RBM26: variants seen among roughly 807,000 people sequenced by gnomAD.
RBM26 encodes the protein RNA-binding protein 26.
Under a neutral mutation model 123.6 loss-of-function variants are expected in RBM26, and 30 were observed. The observed-to-expected ratio is 0.24, with a 90% confidence interval of 0.18 to 0.33. RBM26 has a LOEUF of 0.33. RBM26 is among the 10% of genes least tolerant of loss of function. The pLI, the probability that RBM26 is intolerant of heterozygous loss-of-function variation, is 1.00. For synonymous variants in RBM26, 400 were observed against 404.4 expected (o/e 0.99, Z 0.13); for missense variants, 947 against 1,203.6 (o/e 0.79, Z 3.15).
intron 14 of RBM26, among the ~76,000 whole-genome samples, chr13:79,349,703 C>CTT (rs796198346): frequency 1.4e-5 from 2 of 143,590 alleles, no homozygotes; most frequent in Admixed American, 7.0e-5. Flanking sequence ...AAATCCCACT[C>CTT]TTTTTTTTTT....
At chr13:79,400,899 A>G (rs915785397) in intron 1 of RBM26, among the ~76,000 whole-genome samples, 2 of 152,228 alleles carry the variant, frequency 1.3e-5, no homozygotes, top group African/African-American at 4.8e-5. Context: ...CTGAGGGCAA[A>G]TTAACAAAAA....
chr13:79,367,452 A>G (rs1321982112), intron 6 of RBM26, among the ~76,000 whole-genome samples: 1 of 147,960 alleles, frequency 6.8e-6, no homozygotes, highest in African/African-American at 2.5e-5. Flanking sequence ...GAGGCAAAAG[A>G]GAGAAATGTG....
At chr13:79,334,512 A>G in intron 19 of RBM26, 82 bp from the exon 20 acceptor site, 1 of 659,338 alleles carries the variant, frequency 1.5e-6, no homozygotes, top group Non-Finnish European at 2.5e-6. Flanking sequence ...AAAACATTAA[A>G]ATACTAATAA....
At chr13:79,379,242 A>G (rs12871518) in intron 1 of RBM26, among the ~76,000 whole-genome samples, 1 of 151,986 alleles carries the variant, frequency 6.6e-6, no homozygotes, top group Admixed American at 6.6e-5. Flanking sequence ...TATGCAATAA[A>G]CAGTATTGAG....
chr13:79,319,617 T>A lies in RBM26; in HGVS notation c.*1004A>T. ...AAATGGTCAAGTTTTCTTTCATACA[T>A]CCAAAATGTAATGTGATGTTTTCTT... On this transcript the variant is annotated 3_prime_UTR_variant, in exon 22 of 22. Coordinates refer to ENST00000438737, the MANE Select transcript of RBM26 (RefSeq NM_001366735.2). 2.0e-6 allele frequency: 2 copies of A among 984,276 alleles called. No individual in the cohort carries two copies. The highest frequency in any genetic ancestry group is 4.7e-5 in the South Asian group (1 of 21,278). The allele number at this position is 984,276 out of a possible 1,614,324, so 61.0% of individuals were successfully genotyped here.
At chr13:79,361,411 C>T (rs907802275) in intron 9 of RBM26, among the ~76,000 whole-genome samples, 4 of 152,130 alleles carry the variant, frequency 2.6e-5, no homozygotes, top group Non-Finnish European at 5.9e-5. Context: ...TTAGCAACAA[C>T]ATCTCTCTCC....
Position 79,392,604 on chromosome 13 carries a change from A to C in RBM26, c.71+13100T>G, listed in dbSNP as rs543575113. Among the ~76,000 whole-genome samples the C allele has an allele frequency of 1.7e-3, 244 of 147,500 alleles. 1 individual carries two copies. The highest frequency in any genetic ancestry group is 5.7e-3 in the African/African-American group (232 of 40,726). On this transcript the variant is annotated intron_variant, in intron 1 of 21. Coordinates refer to ENST00000438737, the MANE Select transcript of RBM26 (RefSeq NM_001366735.2). ...TAATTTATATATATTTATATATATA[A>C]ATAAACATAGGAAAAATTTTTCAAC...
chr13:79,355,164 C>T (rs769102822), intron 12 of RBM26, 56 bp downstream of exon 12: 392 of 1,527,322 alleles, frequency 2.6e-4, no homozygotes, highest in Non-Finnish European at 3.5e-4. Flanking sequence ...CTCGTAAACG[C>T]TATGCTAAGA....
At chr13:79,363,076 C>G (rs1326965072) in intron 9 of RBM26, among the ~76,000 whole-genome samples, 1 of 152,100 alleles carries the variant, frequency 6.6e-6, no homozygotes, top group African/African-American at 2.4e-5. Context: ...TCAAGTTTTC[C>G]ACCTCCTTAG....
At chr13:79,359,902 G>A (rs1439531825) in intron 9 of RBM26, among the ~76,000 whole-genome samples, 1 of 151,420 alleles carries the variant, frequency 6.6e-6, no homozygotes, top group Non-Finnish European at 1.5e-5. Context: ...GTCAACCACA[G>A]TCCAAAATTA....
At chr13:79,380,797 T>G (rs1197168109) in intron 1 of RBM26, among the ~76,000 whole-genome samples, 1 of 152,072 alleles carries the variant, frequency 6.6e-6, no homozygotes, top group African/African-American at 2.4e-5. Flanking sequence ...TCCCAGCATT[T>G]GGTAACCACT....
downstream of RBM26, chr13:79,318,746 CT>C (rs1395310017): frequency 2.3e-5 from 22 of 965,424 alleles, no homozygotes; most frequent in Non-Finnish European, 2.7e-5. Flanking sequence ...CTAAAACATA[CT>C]AATCAAATTA....
rs1252749815 is a variant in RBM26, at chr13:79,386,429, AAG to A, written c.72-7524_72-7523del. On this transcript the variant is annotated intron_variant, in intron 1 of 21. Transcript: ENST00000438737. ...CTTCTAAATTAAATAAAAAAAAAAA[AAG>A]AAGTGCCCATTAAGTGTCAAAGACC... Among the ~76,000 whole-genome samples the A allele has an allele frequency of 4.6e-5, 7 of 151,326 alleles. No individual in the cohort carries two copies. In the South Asian group the frequency reaches 1.0e-3, roughly 23 times the overall value.
rs377113311 is a variant in RBM26 at position 79,395,910 on chromosome 13, T to C, written c.71+9794A>G. Among the ~76,000 whole-genome samples the C allele has an allele frequency of 8.8e-5, 13 of 147,846 alleles. 1 individual carries two copies. The highest frequency in any genetic ancestry group is 7.4e-4 in the Admixed American group (11 of 14,848). ...GTCTCAGAAAAAGAGGAAAAAAAAA[T>C]GGGGCAGAAAAATTTTGAAGACATA... On this transcript the variant is annotated intron_variant, in intron 1 of 21. Coordinates refer to ENST00000438737, the MANE Select transcript of RBM26 (RefSeq NM_001366735.2).
Position 79,368,979 on chromosome 13 carries a change from C to A in RBM26, c.646G>T (p.Val216Leu). 1 of 1,600,304 alleles carries A rather than the reference C, an allele frequency of 6.2e-7. No homozygotes were observed. The highest frequency in any genetic ancestry group is 8.5e-7 in the Non-Finnish European group (1 of 1,171,492). Residue 216 changes from valine (V) to leucine (L), a missense_variant, in exon 6 of 22, where the codon GTA becomes TTA. Transcript: ENST00000438737. ...SRTRSRERDL[V>L]KPKYDLDRTD... Reference sequence around the variant, plus strand: ...CTATCCAGGTCATATTTAGGTTTTACCAGATCCCTTTCTGCAACGAAAGAT... The same window carrying A: ...CTATCCAGGTCATATTTAGGTTTTAACAGATCCCTTTCTGCAACGAAAGAT...
chr13:79,368,196 T>G (rs1237775597), intron 6 of RBM26, among the ~76,000 whole-genome samples: 2 of 152,074 alleles, frequency 1.3e-5, no homozygotes, highest in South Asian at 2.1e-4. Flanking sequence ...AGCTAATTTG[T>G]TGTATTTTTA....
rs2068970166 is a variant in RBM26, at chr13:79,329,570, C to A, written c.2820+4774G>T. Among the ~76,000 whole-genome samples, 3 of 152,028 alleles carry A rather than the reference C, an allele frequency of 2.0e-5. No individual in the cohort carries two copies. In the East Asian group the frequency reaches 5.8e-4, roughly 29 times the overall value. On this transcript the variant is annotated intron_variant, in intron 20 of 21. Transcript: ENST00000438737. Reference sequence around the variant, plus strand: ...CTTCTCATACCAGAAGGAACAGAACCACTAGGATCCTGTCAAAAGCACTCA... The same window carrying A: ...CTTCTCATACCAGAAGGAACAGAACAACTAGGATCCTGTCAAAAGCACTCA...
At chr13:79,344,645 T>G in intron 15 of RBM26, 24 bp downstream of exon 15, 1 of 1,591,820 alleles carries the variant, frequency 6.3e-7, no homozygotes, top group Non-Finnish European at 8.5e-7. Flanking sequence ...CAAAAATTTT[T>G]TATACTATAC....
At chr13:79,329,824 A>G (rs886902397) in intron 20 of RBM26, among the ~76,000 whole-genome samples, 1 of 152,196 alleles carries the variant, frequency 6.6e-6, no homozygotes, top group Non-Finnish European at 1.5e-5. Flanking sequence ...TTAGGAATAT[A>G]ATTTTTAGGT....
Sources: gnomAD v4.1 joint callset for allele counts (sites outside exome capture counted in the v4.1 genomes callset) on GRCh38, gnomAD v4.1.1 for gene constraint, MANE v1.5 for transcripts, NCBI Gene and HGNC (gene_info 2026-07-23, HGNC 2026-07-21) for gene names.